The following IL1R1 variants were observed in gnomAD, a reference collection of about 807,000 sequenced individuals.
IL1R1 encodes interleukin-1 receptor type 1.
A neutral mutation model predicts 50.2 loss-of-function variants in IL1R1; 22 were observed. The observed-to-expected ratio is 0.44, with a 90% CI of 0.31 to 0.63. The LOEUF (loss-of-function observed/expected upper bound fraction) is 0.63. Among genes scored for constraint, IL1R1 ranks in the 20% least tolerant of loss-of-function variants. The probability of loss-of-function intolerance (pLI) is 0.07; values close to 1 mark genes in which losing one functional copy is unlikely to be tolerated. For synonymous variants in IL1R1, 251 were observed against 236.7 expected (o/e 1.06, Z -0.55); for missense variants, 509 against 676.2 (o/e 0.75, Z 2.74).
At chr2:102,140,874 G>A (rs968105665), upstream of IL1R1, among the ~76,000 whole-genome samples, 12 of 152,182 alleles carry the variant, frequency 7.9e-5, no homozygotes, top group Admixed American at 3.9e-4. Context: ...TCTGTGTTGG[G>A]CGGGTGTTTG....
chr2:102,133,830 A>G (rs1402781877), intron 1 of IL1R1, among the ~76,000 whole-genome samples: 2 of 152,118 alleles, frequency 1.3e-5, no homozygotes, highest in African/African-American at 4.8e-5. Context: ...TCCTCCTAGG[A>G]TCAGGAACAA....
chr2:102,126,119 A>G (rs1040636546), intron 1 of IL1R1, among the ~76,000 whole-genome samples: 1 of 152,260 alleles, frequency 6.6e-6, no homozygotes, highest in East Asian at 1.9e-4. Flanking sequence ...TTCATTGACA[A>G]CATAACCTAC....
At chr2:102,143,535 A>T (rs1013465067) in intron 1 of IL1R1, among the ~76,000 whole-genome samples, 1 of 152,220 alleles carries the variant, frequency 6.6e-6, no homozygotes, top group African/African-American at 2.4e-5. Flanking sequence ...TTTACAGTTT[A>T]TAAGCCCTTG....
Position 102,176,366 on chromosome 2 carries a change from C to A in IL1R1, c.1317C>A (p.Val439=). The change falls in exon 12 of 12, where the codon GTC becomes GTA. Residue 439 remains valine (V), a synonymous_variant. Transcript: ENST00000410023. Reference sequence around the variant, plus strand: ...CCTGTTTTTCAGACATTGTTGAGGTCATTAATGAAAACGTAAAGAAAAGCA... The same window carrying A: ...CCTGTTTTTCAGACATTGTTGAGGTAATTAATGAAAACGTAAAGAAAAGCA... ...DDYVGEDIVE[V]INENVKKSRR... The A allele has an allele frequency of 6.2e-7, 1 of 1,613,514 alleles. No individual in the cohort carries two copies. The highest frequency in any genetic ancestry group is 1.1e-5 in the South Asian group (1 of 90,908).
rs1175052302 is a variant in IL1R1, at chr2:102,178,318, A to C, written c.*1559A>C. On this transcript the variant is annotated 3_prime_UTR_variant, in exon 12 of 12. Coordinates refer to ENST00000410023, the MANE Select transcript of IL1R1 (RefSeq NM_000877.4). ...CTGGAATTGCTGCTCTCTGAGGGAG[A>C]GGCTGTGGTGGCTGTCTCTGTCCCT... 1.3e-5 allele frequency: 2 copies of C among 152,316 alleles called. No individual in the cohort carries two copies. Among genetic ancestry groups the C allele is most frequent in the African/African-American group, 4.8e-5 (2 of 41,424 alleles). 9.4% of individuals were successfully genotyped at this position (152,316 alleles called of 1,614,324 possible).
chr2:102,144,127 C>T (rs1172782466), intron 1 of IL1R1, among the ~76,000 whole-genome samples: 2 of 152,232 alleles, frequency 1.3e-5, no homozygotes, highest in Non-Finnish European at 2.9e-5. Flanking sequence ...TTTTCTTTCT[C>T]AATCCCTTCT....
chr2:102,157,678 A>G, intron 2 of IL1R1, 41 bp from the exon 3 acceptor site: 1 of 1,338,426 alleles, frequency 7.5e-7, no homozygotes, highest in Non-Finnish European at 1.1e-6. Flanking sequence ...GAAAAGTAAC[A>G]TTTTTGCTTT....
chr2:102,151,354 C>A (rs1010457613), intron 1 of IL1R1, among the ~76,000 whole-genome samples: 1 of 152,174 alleles, frequency 6.6e-6, no homozygotes, highest in Non-Finnish European at 1.5e-5. Flanking sequence ...CTTATTCCAT[C>A]CTTTCTCTTC....
intron 8 of IL1R1, 40 bp downstream of exon 8, chr2:102,171,958 C>T: frequency 9.5e-7 from 1 of 1,051,364 alleles, no homozygotes; most frequent in Non-Finnish European, 1.4e-6. Context: ...GGTGTTAAAT[C>T]CCACGTGATA....
At chr2:102,081,248 G>C (rs1679194334) in intron 1 of IL1R1, among the ~76,000 whole-genome samples, 1 of 152,124 alleles carries the variant, frequency 6.6e-6, no homozygotes, top group South Asian at 2.1e-4. Flanking sequence ...ATTAAAATAA[G>C]AATATATGAG....
At chr2:102,169,909 T>C (rs1429664877) in intron 7 of IL1R1, among the ~76,000 whole-genome samples, 1 of 152,204 alleles carries the variant, frequency 6.6e-6, no homozygotes, top group Non-Finnish European at 1.5e-5. Context: ...TCTTTTATAT[T>C]TGCTGATATA....
intron 1 of IL1R1, among the ~76,000 whole-genome samples, chr2:102,093,499 A>G (rs148894541): frequency 9.2e-4 from 140 of 152,288 alleles, no homozygotes; most frequent in African/African-American, 3.3e-3. Context: ...CCTCCCTTGC[A>G]CTTGGAATGG....
In IL1R1 at chr2:102,110,090, C is replaced by A. The variant is rs141777188; in HGVS notation, c.-84+5218C>A. Reference sequence around the variant, plus strand: ...ATTTAAAAGGTGAAAGTCTTTTTCTCTTCCCTTTCTGCAGACGCTTCTTTC... The same window carrying A: ...ATTTAAAAGGTGAAAGTCTTTTTCTATTCCCTTTCTGCAGACGCTTCTTTC... On this transcript the variant is annotated intron_variant, in intron 1 of 10. Transcript: ENST00000409329. Among the ~76,000 whole-genome samples the A allele has an allele frequency of 2.8e-3, 421 of 152,186 alleles. 2 individuals are homozygous for A. Among genetic ancestry groups the A allele is most frequent in the African/African-American group, 9.6e-3 (399 of 41,518 alleles).
Position 102,157,862 on chromosome 2 carries a change from C to G in IL1R1, c.61+77C>G. ...AGAATACATGAAGTACCTTCCCTAA[C>G]AGAGTCATTTCTCATACTCGTCTCT... is the stretch of plus-strand genomic sequence containing the variant. On this transcript the variant is annotated intron_variant, in intron 3 of 11. Transcript: ENST00000410023. 3.2e-6 allele frequency: 3 copies of G among 943,678 alleles called. No individual in the cohort carries two copies. The South Asian group carries it at 4.1e-5, about 13-fold the overall frequency. 58.5% of individuals were successfully genotyped at this position (943,678 alleles called of 1,614,324 possible).
At chr2:102,111,438 C>T (rs61216908) in intron 1 of IL1R1, among the ~76,000 whole-genome samples, 32,018 of 152,166 alleles carry the variant, frequency 0.21, 3,375 homozygotes, top group Middle Eastern at 0.24. Flanking sequence ...TTCTACGTCT[C>T]TCTGGAGTAC....
intron 1 of IL1R1, among the ~76,000 whole-genome samples, chr2:102,108,396 A>G (rs1188074543): frequency 1.3e-5 from 2 of 152,162 alleles, no homozygotes. Flanking sequence ...AAAACCAGCC[A>G]TCCTCCTCCT....
chr2:102,080,818 G>T (rs192897992), intron 1 of IL1R1, among the ~76,000 whole-genome samples: 3 of 152,238 alleles, frequency 2.0e-5, no homozygotes, highest in Non-Finnish European at 4.4e-5. Flanking sequence ...GTCCATTAAT[G>T]GATGAATGGA....
Position 102,142,977 on chromosome 2 carries a change from G to C in IL1R1, c.-127G>C, listed in dbSNP as rs766462396. 6.6e-6 allele frequency: 1 copy of C among 152,284 alleles called. No homozygotes were observed. Among genetic ancestry groups the C allele is most frequent in the Non-Finnish European group, 1.5e-5 (1 of 68,166 alleles). 9.4% of individuals were successfully genotyped at this position (152,284 alleles called of 1,614,324 possible). On this transcript the variant is annotated 5_prime_UTR_variant, in exon 1 of 12. Coordinates refer to ENST00000410023, the MANE Select transcript of IL1R1 (RefSeq NM_000877.4). ...GCCCCTCTGAGCTGAGCCGGGTTCC[G>C]CCCGGGGCTGGGATCCCATCACCCT...
At chr2:102,109,055 T>C (rs1680595896) in intron 1 of IL1R1, among the ~76,000 whole-genome samples, 1 of 151,982 alleles carries the variant, frequency 6.6e-6, no homozygotes, top group Non-Finnish European at 1.5e-5. Context: ...TCATATAAAA[T>C]AATCAGTACT....
Sources: gnomAD v4.1 joint callset for allele counts (sites outside exome capture counted in the v4.1 genomes callset) on GRCh38, gnomAD v4.1.1 for gene constraint, MANE v1.5 for transcripts, NCBI Gene and HGNC (gene_info 2026-07-23, HGNC 2026-07-21) for gene names.